Variants in C7orf57 observed in about 807,000 individuals in gnomAD.
C7orf57 encodes the protein uncharacterized protein C7orf57.
A neutral mutation model predicts 39.0 loss-of-function variants in C7orf57; 33 were observed. The observed-to-expected ratio is 0.85, with a 90% confidence interval of 0.64 to 1.13. The LOEUF (loss-of-function observed/expected upper bound fraction) is 1.13. Ranked by LOEUF, C7orf57 falls within the 50% of genes most tolerant of loss-of-function variation. C7orf57 has a pLI of 0.00. For missense variants in C7orf57, 346 were observed against 362.3 expected (o/e 0.95, Z 0.37); for synonymous variants, 124 against 137.1 (o/e 0.90, Z 0.67).
chr7:48,051,432 G>A (rs551629132), intron 6 of C7orf57, among the ~76,000 whole-genome samples: 1 of 142,590 alleles, frequency 7.0e-6, no homozygotes, highest in East Asian at 2.1e-4. Flanking sequence ...CTCACTGCAA[G>A]CTCTGCCTCC....
intron 8 of C7orf57, among the ~76,000 whole-genome samples, chr7:48,059,306 T>TA (rs1372723034): frequency 2.0e-5 from 3 of 152,234 alleles, no homozygotes; most frequent in African/African-American, 7.2e-5. Context: ...TCTCTCCACT[T>TA]AGAGTGTGTT....
At chr7:48,055,237 T>C (rs1445574684) in intron 8 of C7orf57, among the ~76,000 whole-genome samples, 1 of 152,218 alleles carries the variant, frequency 6.6e-6, no homozygotes, top group Non-Finnish European at 1.5e-5. Flanking sequence ...ACACACATTG[T>C]ATTACTCGTC....
chr7:48,035,660 G>T lies in C7orf57; in HGVS notation c.-102+30G>T. On this transcript the variant is annotated intron_variant, in intron 1 of 8. Coordinates refer to ENST00000348904, the MANE Select transcript of C7orf57 (RefSeq NM_001100159.3). The surrounding 1 kb of genome is among the most constrained non-coding windows in gnomAD (Gnocchi z 4.0). ...GCCTGAGCGGGCTGGAGGACAATGGGGGCGCCCACTGTGGTCCCGGGCCTT... is the reference window on the plus strand; with the variant it reads ...GCCTGAGCGGGCTGGAGGACAATGGTGGCGCCCACTGTGGTCCCGGGCCTT... 3.1e-6 allele frequency: 2 copies of T among 647,542 alleles called. No individual in the cohort carries two copies. Among genetic ancestry groups the T allele is most frequent in the Non-Finnish European group, 5.6e-6 (2 of 357,800 alleles). The allele number at this position is 647,542 out of a possible 1,614,324, so 40.1% of individuals were successfully genotyped here.
rs185546946 is a variant in C7orf57 at position 48,057,560 on chromosome 7, T to C, written c.842-2666T>C. The stretch of plus-strand genomic sequence containing the variant: ...TTCTATATATAAGATCACATTGTCA[T>C]CAAACAGAATATTTCACTTGTCTCT... On this transcript the variant is annotated intron_variant, in intron 8 of 8. Coordinates refer to ENST00000348904, the MANE Select transcript of C7orf57 (RefSeq NM_001100159.3). Among the ~76,000 whole-genome samples the C allele has an allele frequency of 1.8e-3, 267 of 152,280 alleles. 4 individuals are homozygous for C. Among genetic ancestry groups the C allele is most frequent in the African/African-American group, 6.1e-3 (253 of 41,584 alleles).
Position 48,060,207 on chromosome 7 carries a change from T to C in C7orf57, c.842-19T>C. 2 of 1,502,766 alleles carry C rather than the reference T, an allele frequency of 1.3e-6. No individual in the cohort carries two copies. The highest frequency in any genetic ancestry group is 1.8e-6 in the Non-Finnish European group (2 of 1,113,470). 93.1% of individuals were successfully genotyped at this position (1,502,766 alleles called of 1,614,324 possible). A position where few individuals can be genotyped will look rare whatever the true frequency, so the allele number is the denominator to read the frequency against. On this transcript the variant is annotated intron_variant, in intron 8 of 8. Transcript: ENST00000348904. ...AAAATGTCATCTTTGTCTACTCATT[T>C]ATTTACTTTGTGTTGCAGGCCCAGA... is the stretch of plus-strand genomic sequence containing the variant.
chr7:48,049,836 A>C, intron 5 of C7orf57, 44 bp from the exon 6 acceptor site: 1 of 1,485,432 alleles, frequency 6.7e-7, no homozygotes, highest in African/African-American at 1.4e-5. Context: ...CTAGCTGTTG[A>C]ATGCTTTCCA....
intron 7 of C7orf57, 94 bp from the exon 8 acceptor site, chr7:48,054,501 A>G: frequency 9.3e-7 from 1 of 1,069,966 alleles, no homozygotes; most frequent in Non-Finnish European, 1.4e-6. Context: ...TTTAAGTAAT[A>G]CAGAATTTTC....
chr7:48,043,365 G>A (rs1452951090), intron 3 of C7orf57, 116 bp from the exon 4 acceptor site: 5 of 727,234 alleles, frequency 6.9e-6, no homozygotes, highest in Non-Finnish European at 1.2e-5. Context: ...GGATCCCAGA[G>A]GCAACTACAG....
chr7:48,049,883 A>G lies in C7orf57; in HGVS notation c.511A>G (p.Arg171Gly), dbSNP rs2128795110. Residue 171 changes from arginine (R) to glycine (G), a missense_variant, in exon 6 of 9, where the codon AGG becomes GGG. Physicochemically the swap from Arg to Gly is moderately radical, Grantham distance 125. Coordinates refer to ENST00000348904, the MANE Select transcript of C7orf57 (RefSeq NM_001100159.3). ...EELEKEKKKL[R>G]LPAIDSKYLS... ...TTTTGTGTGTTTCCTCACACAGCTGAGGCTACCGGCCATTGACTCAAAGTA... is the reference window on the plus strand; with the variant it reads ...TTTTGTGTGTTTCCTCACACAGCTGGGGCTACCGGCCATTGACTCAAAGTA... The G allele has an allele frequency of 6.2e-7, 1 of 1,613,448 alleles. No homozygotes were observed.
At chr7:48,055,617 C>A (rs1791095034) in intron 8 of C7orf57, among the ~76,000 whole-genome samples, 1 of 152,190 alleles carries the variant, frequency 6.6e-6, no homozygotes, top group African/African-American at 2.4e-5. Flanking sequence ...CCTCTTACCC[C>A]ATCAACTACT....
At chr7:48,046,319 A>G in intron 4 of C7orf57, 141 bp from the exon 5 acceptor site, 1 of 693,826 alleles carries the variant, frequency 1.4e-6, no homozygotes. Flanking sequence ...GAGAGAGGAG[A>G]AAGGAAAGGA....
intron 4 of C7orf57, among the ~76,000 whole-genome samples, chr7:48,044,750 A>G (rs1233100586): frequency 1.3e-5 from 2 of 152,206 alleles, no homozygotes; most frequent in Admixed American, 6.5e-5. Flanking sequence ...TCTATGTTCA[A>G]TATTGAGATA....
intron 5 of C7orf57, among the ~76,000 whole-genome samples, chr7:48,048,608 A>C (rs1360839800): frequency 6.6e-6 from 1 of 152,172 alleles, no homozygotes; most frequent in African/African-American, 2.4e-5. Flanking sequence ...CAATTTAGGT[A>C]GAGCGAAACC....
intron 7 of C7orf57, among the ~76,000 whole-genome samples, chr7:48,053,469 T>C (rs1791021527): frequency 6.6e-6 from 1 of 152,030 alleles, no homozygotes; most frequent in Admixed American, 6.6e-5. Flanking sequence ...ATTTATTTTT[T>C]GAGACAGAGT....
At chr7:48,053,674 C>G (rs772401899) in intron 7 of C7orf57, among the ~76,000 whole-genome samples, 1 of 152,150 alleles carries the variant, frequency 6.6e-6, no homozygotes, top group Non-Finnish European at 1.5e-5. Context: ...TGGTCTCAAA[C>G]TCCTGGGCTC....
chr7:48,054,908 G>A (rs1039001656), intron 8 of C7orf57, among the ~76,000 whole-genome samples: 4 of 151,712 alleles, frequency 2.6e-5, no homozygotes, highest in Admixed American at 6.6e-5. Context: ...ATGGAGTCTC[G>A]CTCTGTCGCC....
intron 2 of C7orf57, 30 bp from the exon 3 acceptor site, chr7:48,041,304 A>T (rs1403211898): frequency 1.1e-5 from 18 of 1,583,750 alleles, no homozygotes; most frequent in Non-Finnish European, 1.5e-5. Context: ...ACACAGCAAC[A>T]GTGTGGCCCT....
chr7:48,051,875 TTCTC>T lies in C7orf57; in HGVS notation c.606-823_606-820del, dbSNP rs1199925531. Among the ~76,000 whole-genome samples, 7 of 68,774 alleles carry T rather than the reference TTCTC, an allele frequency of 1.0e-4. 2 individuals are homozygous for T. The highest frequency in any genetic ancestry group is 2.5e-4 in the Non-Finnish European group (7 of 28,262). 45.1% of individuals were successfully genotyped at this position (68,774 alleles called of 152,430 possible). On this transcript the variant is annotated intron_variant, in intron 6 of 8. Coordinates refer to ENST00000348904, the MANE Select transcript of C7orf57 (RefSeq NM_001100159.3). ...TCTTTCTTTCTTTCTTTCTTTCTCT[TTCTC>T]TTTCTTTCTTTCCTTCCTTCCTTCC...
chr7:48,044,197 C>G (rs1052805560), intron 4 of C7orf57, among the ~76,000 whole-genome samples: 5 of 152,050 alleles, frequency 3.3e-5, no homozygotes, highest in Admixed American at 6.6e-5. Context: ...CTGCCGGATC[C>G]GGAGAGGTGG....
Sources: allele counts gnomAD v4.1 joint callset (sites outside exome capture counted in the v4.1 genomes callset), GRCh38; gene constraint gnomAD v4.1.1; non-coding constraint Gnocchi (gnomAD v3.1); transcripts MANE v1.5; gene names NCBI Gene and HGNC (gene_info 2026-07-23, HGNC 2026-07-21).